Variants in NBDY observed in about 807,000 individuals in gnomAD.
The protein encoded by NBDY is negative regulator of P-body association.
intron 2 of NBDY, among the ~76,000 whole-genome samples, chrX:56,752,411 A>AT (rs1176138523): frequency 7.3e-5 from 8 of 109,562 alleles, no homozygotes; most frequent in African/African-American, 1.0e-4. Context: ...TTGGTGTGAG[A>AT]TTTTTTTTAT....
At chrX:56,786,736 C>G (rs1352017497) in intron 2 of NBDY, among the ~76,000 whole-genome samples, 3 of 110,058 alleles carry the variant, frequency 2.7e-5, no homozygotes, top group Admixed American at 9.7e-5. Context: ...TTTTTCCCCC[C>G]TTCACTGTCG....
chrX:56,789,529 G>T (rs767412766), intron 2 of NBDY, among the ~76,000 whole-genome samples: 1 of 112,207 alleles, frequency 8.9e-6, no homozygotes, highest in Non-Finnish European at 1.9e-5. Context: ...CTTCCTCTTG[G>T]GGAAGGGACA....
At chrX:56,753,468 A>C (rs188318143) in intron 2 of NBDY, among the ~76,000 whole-genome samples, 16 of 110,606 alleles carry the variant, frequency 1.4e-4, no homozygotes, top group Admixed American at 1.4e-3. Flanking sequence ...CAAAGAATGC[A>C]GACTTGAATG....
At chrX:56,760,813 T>G (rs2069634217) in intron 2 of NBDY, among the ~76,000 whole-genome samples, 1 of 112,405 alleles carries the variant, frequency 8.9e-6, no homozygotes, top group African/African-American at 3.2e-5. Context: ...CCTTCCTCCT[T>G]CCCTCTGGAT....
At chrX:56,789,561 C>T (rs899368398) in intron 2 of NBDY, among the ~76,000 whole-genome samples, 1 of 111,875 alleles carries the variant, frequency 8.9e-6, no homozygotes, top group African/African-American at 3.3e-5. Flanking sequence ...GGAAAGCAGC[C>T]AGGTCCAACA....
chrX:56,756,476 TAAAG>T (rs998517534), intron 2 of NBDY, among the ~76,000 whole-genome samples: 1 of 106,368 alleles, frequency 9.4e-6, no homozygotes, highest in African/African-American at 3.4e-5. Context: ...ACAACCTAAA[TAAAG>T]AAAATACTTA....
chrX:56,807,809 C>A (rs1236094309), intron 2 of NBDY, among the ~76,000 whole-genome samples: 3 of 111,973 alleles, frequency 2.7e-5, no homozygotes, highest in Non-Finnish European at 5.6e-5. Flanking sequence ...CCCTTTATTT[C>A]TTTCTCTTGC....
chrX:56,783,171 T>C (rs1259576785), intron 2 of NBDY, among the ~76,000 whole-genome samples: 1 of 112,939 alleles, frequency 8.9e-6, no homozygotes, highest in African/African-American at 3.2e-5. Context: ...AGGAACTCCT[T>C]GCTGGCTCTT....
At chrX:56,758,639 C>CTAG (rs2069623071) in intron 2 of NBDY, among the ~76,000 whole-genome samples, 1 of 111,952 alleles carries the variant, frequency 8.9e-6, no homozygotes, top group African/African-American at 3.3e-5. Flanking sequence ...CCCCCGGCAT[C>CTAG]TTGGTCATTC....
chrX:56,797,412 G>A (rs1484289383), intron 2 of NBDY, among the ~76,000 whole-genome samples: 5 of 106,061 alleles, frequency 4.7e-5, no homozygotes, highest in Non-Finnish European at 9.6e-5. Context: ...TCTTCTCCTT[G>A]GTGATGGGGA....
chrX:56,758,783 G>A (rs2069623979), intron 2 of NBDY, among the ~76,000 whole-genome samples: 1 of 111,665 alleles, frequency 9.0e-6, no homozygotes, highest in African/African-American at 3.3e-5. Flanking sequence ...GCTGTGCCTT[G>A]ATTTGATACA....
intron 2 of NBDY, among the ~76,000 whole-genome samples, chrX:56,767,432 C>A (rs2069672069): frequency 8.8e-6 from 1 of 113,464 alleles, no homozygotes; most frequent in African/African-American, 3.2e-5. Context: ...ACTGTGGGAG[C>A]CCCTGTCTCC....
chrX:56,785,889 T>C (rs2069724814), intron 2 of NBDY, among the ~76,000 whole-genome samples: 1 of 111,420 alleles, frequency 9.0e-6, no homozygotes, highest in Admixed American at 9.5e-5. Flanking sequence ...TTACATTTTG[T>C]CCACTTCTGT....
At chrX:56,736,545 C>T (rs1367650109) in intron 2 of NBDY, among the ~76,000 whole-genome samples, 1 of 111,807 alleles carries the variant, frequency 8.9e-6, no homozygotes, top group Non-Finnish European at 1.9e-5. Context: ...GGACCACAGG[C>T]GTGAGCCACC....
At chrX:56,731,422 A>AG (rs2069457987) in intron 1 of NBDY, among the ~76,000 whole-genome samples, 1 of 106,143 alleles carries the variant, frequency 9.4e-6, no homozygotes, top group South Asian at 4.3e-4. Context: ...AAAAAAAAAA[A>AG]TAGCCGGTCA....
rs1208452194 is a variant in NBDY, at chrX:56,731,947, G to T, written c.*30-116G>T. On this transcript the variant is annotated intron_variant, in intron 1 of 2. Transcript: ENST00000374922. ...ATACTATGTATACAACTGTTTTATA[G>T]GAATAAATCATTGAAATAGAGGTAT... 4.4e-5 allele frequency: 12 copies of T among 273,802 alleles called. No individual in the cohort carries two copies. The East Asian group carries it at 6.2e-4, about 14-fold the overall frequency. The allele number at this position is 273,802 out of a possible 1,213,427, so 22.6% of individuals were successfully genotyped here.
At chrX:56,731,691 A>C (rs1452055232) in intron 1 of NBDY, among the ~76,000 whole-genome samples, 2 of 112,425 alleles carry the variant, frequency 1.8e-5, no homozygotes, top group African/African-American at 6.5e-5. Flanking sequence ...ATCACTGATA[A>C]TTGTAATAAT....
chrX:56,813,059 G>A (rs944017824), intron 2 of NBDY, among the ~76,000 whole-genome samples: 7 of 110,889 alleles, frequency 6.3e-5, no homozygotes, highest in African/African-American at 2.3e-4. Context: ...GGGAGGGGGA[G>A]GGATAGCATT....
At chrX:56,732,961 C>A (rs920755429) in intron 2 of NBDY, among the ~76,000 whole-genome samples, 2 of 48,585 alleles carry the variant, frequency 4.1e-5, no homozygotes, top group South Asian at 1.8e-3. Flanking sequence ...CTATTTTAAT[C>A]ATTTTGACTT....
Sources: gnomAD v4.1 joint callset for allele counts (sites outside exome capture counted in the v4.1 genomes callset) on GRCh38, gnomAD v4.1.1 for gene constraint, MANE v1.5 for transcripts, NCBI Gene and HGNC (gene_info 2026-07-23, HGNC 2026-07-21) for gene names.